Variants in CACNA2D1 observed in about 807,000 individuals in gnomAD.
CACNA2D1 encodes voltage-dependent calcium channel subunit alpha-2/delta-1.
A neutral mutation model predicts 171.5 loss-of-function variants in CACNA2D1; 53 were observed. The observed-to-expected ratio is 0.31, with a 90% CI of 0.25 to 0.39. The LOEUF is 0.39. CACNA2D1 is among the 10% of genes least tolerant of loss of function. The pLI is 1.00. For missense variants in CACNA2D1, 903 were observed against 1,299.8 expected (o/e 0.69, Z 4.69); for synonymous variants, 442 against 443.1 (o/e 1.00, Z 0.03).
intron 1 of CACNA2D1, among the ~76,000 whole-genome samples, chr7:82,389,603 T>C (rs1054956538): frequency 4.8e-4 from 73 of 152,316 alleles, no homozygotes. Context: ...ATCAGGAAGC[T>C]GGCCCACTTA....
intron 3 of CACNA2D1, among the ~76,000 whole-genome samples, chr7:82,292,460 G>C (rs1811763618): frequency 6.6e-6 from 1 of 152,096 alleles, no homozygotes; most frequent in Non-Finnish European, 1.5e-5. Context: ...TCCTCCAGTA[G>C]CTTCCTGAGA....
At chr7:82,056,066 C>T (rs1382708777) in intron 10 of CACNA2D1, among the ~76,000 whole-genome samples, 1 of 103,360 alleles carries the variant, frequency 9.7e-6, no homozygotes, top group African/African-American at 3.7e-5. Flanking sequence ...TTGAAAAGTA[C>T]AGTCTCTACT....
chr7:82,359,820 A>C (rs538852464), intron 1 of CACNA2D1, among the ~76,000 whole-genome samples: 15 of 152,318 alleles, frequency 9.8e-5, no homozygotes, highest in Non-Finnish European at 2.1e-4. Flanking sequence ...GAAACTATCT[A>C]GCACAGTTCT....
intron 3 of CACNA2D1, among the ~76,000 whole-genome samples, chr7:82,318,603 TTC>T (rs1815396182): frequency 1.3e-5 from 2 of 152,194 alleles, no homozygotes; most frequent in Admixed American, 6.5e-5. Context: ...CCATGCCTTC[TTC>T]TCTTTCAATC....
chr7:82,186,231 GAAGGAAGGAAGGAAGGAAGGAAGA>G lies in CACNA2D1; in HGVS notation c.295-15646_295-15623del, dbSNP rs1451045176. On this transcript the variant is annotated intron_variant, in intron 3 of 38. Transcript: ENST00000356860. ...AGGGAGGGAGGGAAAGAGAGAGAGA[GAAGGAAGGAAGGAAGGAAGGAAGA>G]AAGGAAGGAAGGAAGGAAGGAAGGA... Among the ~76,000 whole-genome samples the G allele has an allele frequency of 2.3e-4, 20 of 86,362 alleles. 1 individual carries two copies. Among genetic ancestry groups the G allele is most frequent in the African/African-American group, 7.7e-4 (19 of 24,616 alleles). 56.7% of individuals were successfully genotyped at this position (86,362 alleles called of 152,430 possible). A position where few individuals can be genotyped will look rare whatever the true frequency, so the allele number is the denominator to read the frequency against.
intron 1 of CACNA2D1, among the ~76,000 whole-genome samples, chr7:82,389,228 C>T (rs561013450): frequency 6.7e-6 from 1 of 148,170 alleles, no homozygotes; most frequent in Non-Finnish European, 1.5e-5. Context: ...AACAAGAAAA[C>T]AAGGATGGGA....
chr7:82,005,748 A>G lies in CACNA2D1; in HGVS notation c.1515+17T>C. On this transcript the variant is annotated intron_variant, in intron 17 of 38. Transcript: ENST00000356860. The stretch of plus-strand genomic sequence containing the variant: ...TCTAAACTAGAAAGGGTATCAAAAG[A>G]GCAAATTTCATCTTACTGTAAAACG... 1 of 1,533,678 alleles carries G rather than the reference A, an allele frequency of 6.5e-7. No homozygotes were observed. Among genetic ancestry groups the G allele is most frequent in the Non-Finnish European group, 9.0e-7 (1 of 1,106,854 alleles).
chr7:82,186,754 T>G (rs1288282975), intron 3 of CACNA2D1, among the ~76,000 whole-genome samples: 1 of 152,152 alleles, frequency 6.6e-6, no homozygotes, highest in Non-Finnish European at 1.5e-5. Flanking sequence ...GCAATTATAA[T>G]AGCAAACATG....
At chr7:82,438,459 G>A (rs1052195419) in intron 1 of CACNA2D1, among the ~76,000 whole-genome samples, 1 of 152,186 alleles carries the variant, frequency 6.6e-6, no homozygotes, top group Non-Finnish European at 1.5e-5. Context: ...TAGTAACATA[G>A]TATTTTTTCA....
intron 3 of CACNA2D1, among the ~76,000 whole-genome samples, chr7:82,201,012 T>C (rs1008547367): frequency 1.3e-5 from 2 of 152,190 alleles, no homozygotes; most frequent in African/African-American, 4.8e-5. Flanking sequence ...TCTCAAAGTG[T>C]ATATGTTTAT....
chr7:82,165,064 C>T (rs1473578299), intron 4 of CACNA2D1, among the ~76,000 whole-genome samples: 1 of 151,916 alleles, frequency 6.6e-6, no homozygotes, highest in Admixed American at 6.6e-5. Context: ...ACATTGGCAG[C>T]AATCCCAGGA....
intron 3 of CACNA2D1, among the ~76,000 whole-genome samples, chr7:82,236,047 A>G (rs1803550250): frequency 6.6e-6 from 1 of 152,114 alleles, no homozygotes; most frequent in African/African-American, 2.4e-5. Flanking sequence ...CTTATGTGAA[A>G]AGCCAAGGAG....
intron 1 of CACNA2D1, among the ~76,000 whole-genome samples, chr7:82,414,468 C>A (rs1442259733): frequency 2.6e-5 from 4 of 151,998 alleles, no homozygotes; most frequent in Non-Finnish European, 5.9e-5. Context: ...ACAAACGTGG[C>A]GAAAGAAATA....
chr7:82,288,433 A>G (rs1246430873), intron 3 of CACNA2D1, among the ~76,000 whole-genome samples: 4 of 145,606 alleles, frequency 2.7e-5, no homozygotes, highest in Non-Finnish European at 5.9e-5. Flanking sequence ...ACACACACAC[A>G]CACACACACA....
chr7:82,025,126 G>A (rs887969477), intron 12 of CACNA2D1, among the ~76,000 whole-genome samples: 2 of 151,456 alleles, frequency 1.3e-5, no homozygotes, highest in Admixed American at 6.6e-5. Flanking sequence ...TGGCTATTTT[G>A]TGGTCTTTTG....
At chr7:82,342,450 T>C (rs1329856252) in intron 2 of CACNA2D1, among the ~76,000 whole-genome samples, 1 of 152,170 alleles carries the variant, frequency 6.6e-6, no homozygotes, top group Non-Finnish European at 1.5e-5. Flanking sequence ...TGAATAATGA[T>C]TTATAACAAC....
At chr7:82,130,941 C>T (rs1790904284) in intron 5 of CACNA2D1, among the ~76,000 whole-genome samples, 3 of 151,518 alleles carry the variant, frequency 2.0e-5, no homozygotes, top group Admixed American at 6.6e-5. Flanking sequence ...AGACTACAGG[C>T]GCCCGCCATC....
intron 1 of CACNA2D1, among the ~76,000 whole-genome samples, chr7:82,433,742 T>G (rs945928931): frequency 6.6e-6 from 1 of 152,174 alleles, no homozygotes; most frequent in Non-Finnish European, 1.5e-5. Context: ...CTTCCACACC[T>G]TCCCCACCCT....
At chr7:82,421,329 CAG>C (rs1828696209) in intron 1 of CACNA2D1, among the ~76,000 whole-genome samples, 1 of 152,170 alleles carries the variant, frequency 6.6e-6, no homozygotes, top group Non-Finnish European at 1.5e-5. Flanking sequence ...AATCACAAGT[CAG>C]AACAGAACTA....
Sources: gnomAD v4.1 joint callset for allele counts (sites outside exome capture counted in the v4.1 genomes callset) on GRCh38, gnomAD v4.1.1 for gene constraint, MANE v1.5 for transcripts, NCBI Gene and HGNC (gene_info 2026-07-23, HGNC 2026-07-21) for gene names.